Variants in PRKCB observed in about 807,000 individuals in gnomAD.
PRKCB encodes the protein protein kinase C beta.
A neutral mutation model predicts 81.5 loss-of-function variants in PRKCB; 13 were observed. That is an observed-to-expected ratio of 0.16 (90% confidence interval 0.10 to 0.25). The LOEUF (loss-of-function observed/expected upper bound fraction) is 0.25. Ranked by LOEUF, PRKCB falls within the 10% of genes least tolerant of loss-of-function variation. The probability of loss-of-function intolerance (pLI) is 1.00; values close to 1 mark genes in which losing one functional copy is unlikely to be tolerated. For missense variants in PRKCB, 509 were observed against 875.7 expected, an observed-to-expected ratio of 0.58 and a Z score of 5.29; for synonymous variants, 335 against 321.4, an observed-to-expected ratio of 1.04 and a Z score of -0.45.
At chr16:24,205,561 TTAAAC>T (rs1211857727) in intron 16 of PRKCB, among the ~76,000 whole-genome samples, 1 of 152,328 alleles carries the variant, frequency 6.6e-6, no homozygotes, top group Non-Finnish European at 1.5e-5. Context: ...GGTCAGATAC[TTAAAC>T]TAAACCCATT....
rs2141943196 is a variant in PRKCB, at chr16:24,140,690, CA to C, written c.1066-13990del. 1.3e-5 allele frequency among the ~76,000 whole-genome samples: 2 copies of C among 152,280 alleles called. 1 individual carries two copies. Among genetic ancestry groups the C allele is most frequent in the South Asian group, 4.2e-4 (2 of 4,816 alleles). ...AAAGGGAAAAGACTGAAAGACATCT[CA>C]AAAGGCCAATCTGCAGTTCTACAAC... On this transcript the variant is annotated intron_variant, in intron 9 of 16. Transcript: ENST00000643927.
intron 2 of PRKCB, among the ~76,000 whole-genome samples, chr16:23,976,148 GA>G (rs967364652): frequency 5.3e-5 from 8 of 151,380 alleles, no homozygotes; most frequent in Non-Finnish European, 8.9e-5. Context: ...CTCTACAAAA[GA>G]AAAAAAAATT....
At chr16:24,093,951 C>G (rs1430419446) in intron 6 of PRKCB, among the ~76,000 whole-genome samples, 1 of 152,208 alleles carries the variant, frequency 6.6e-6, no homozygotes, top group East Asian at 1.9e-4. Flanking sequence ...CATAGCCAGT[C>G]TAAGACCTCT....
chr16:24,111,410 T>C (rs1320336790), intron 7 of PRKCB: 3 of 152,200 alleles, frequency 2.0e-5, no homozygotes, highest in African/African-American at 7.2e-5. Context: ...GTCCCTTTTC[T>C]TTCCTCACAC....
In PRKCB at chr16:24,172,259, T is replaced by G; in HGVS notation, c.1240-11T>G. 1 of 1,610,998 alleles carries G rather than the reference T, an allele frequency of 6.2e-7. No individual in the cohort carries two copies. Among genetic ancestry groups the G allele is most frequent in the Non-Finnish European group, 8.5e-7 (1 of 1,177,456 alleles). Reference sequence around the variant, plus strand: ...GGGATGCTAATGTTGCTGTTTGCTGTCCTCTTCCAGGACCGCCTGTACTTT... The same window carrying G: ...GGGATGCTAATGTTGCTGTTTGCTGGCCTCTTCCAGGACCGCCTGTACTTT... On this transcript the variant is annotated splice_polypyrimidine_tract_variant and intron_variant, in intron 10 of 16. Coordinates refer to ENST00000643927, the MANE Select transcript of PRKCB (RefSeq NM_002738.7).
At chr16:23,987,635 A>G (rs896268986) in intron 2 of PRKCB, among the ~76,000 whole-genome samples, 1 of 152,160 alleles carries the variant, frequency 6.6e-6, no homozygotes, top group Non-Finnish European at 1.5e-5. Flanking sequence ...TTGTGTCACT[A>G]GGGATGGCCT....
chr16:23,889,584 C>T (rs1346426865), intron 2 of PRKCB, among the ~76,000 whole-genome samples: 2 of 152,202 alleles, frequency 1.3e-5, no homozygotes, highest in African/African-American at 4.8e-5. Context: ...GTAGGTGGGG[C>T]CGTATGAGTA....
intron 2 of PRKCB, among the ~76,000 whole-genome samples, chr16:23,854,211 A>T (rs2106375): frequency 6.6e-6 from 1 of 151,722 alleles, no homozygotes. Flanking sequence ...CATCCCAAGC[A>T]GATCTCTTTG....
chr16:24,173,109 A>T (rs948320544), intron 11 of PRKCB, among the ~76,000 whole-genome samples: 1 of 151,862 alleles, frequency 6.6e-6, no homozygotes, highest in Non-Finnish European at 1.5e-5. Flanking sequence ...TCCGTCTTAG[A>T]TGCCTTCACT....
chr16:24,127,483 T>G (rs1403598317), intron 9 of PRKCB, among the ~76,000 whole-genome samples: 1 of 146,922 alleles, frequency 6.8e-6, no homozygotes, highest in Non-Finnish European at 1.5e-5. Flanking sequence ...CCAGTCCCCC[T>G]GAGCTAATTT....
chr16:24,191,679 AC>A (rs1297191805), intron 16 of PRKCB: 1 of 153,930 alleles, frequency 6.5e-6, no homozygotes, highest in Non-Finnish European at 1.4e-5. Flanking sequence ...TGAAACATAC[AC>A]TATGTCTGAG....
intron 2 of PRKCB, among the ~76,000 whole-genome samples, chr16:23,917,430 G>A (rs1014204398): frequency 6.6e-6 from 1 of 152,194 alleles, no homozygotes; most frequent in African/African-American, 2.4e-5. Flanking sequence ...CATCCCTGGG[G>A]TGTTTCCAAA....
At chr16:24,207,822 A>C (rs1216590066) in intron 16 of PRKCB, among the ~76,000 whole-genome samples, 1 of 152,194 alleles carries the variant, frequency 6.6e-6, no homozygotes, top group African/African-American at 2.4e-5. Context: ...TAGCTGGATG[A>C]GTGGAGAAGG....
chr16:24,177,358 A>G (rs991742074), intron 12 of PRKCB, among the ~76,000 whole-genome samples: 1 of 151,010 alleles, frequency 6.6e-6, no homozygotes, highest in East Asian at 1.9e-4. Flanking sequence ...CTAACTACAC[A>G]CTCTCCCTTT....
chr16:23,858,359 A>G (rs1290544261), intron 2 of PRKCB, among the ~76,000 whole-genome samples: 1 of 152,216 alleles, frequency 6.6e-6, no homozygotes, highest in Non-Finnish European at 1.5e-5. Flanking sequence ...GAGGAGCACC[A>G]TGGTGAGGAA....
At chr16:23,954,992 A>G (rs936601125) in intron 2 of PRKCB, among the ~76,000 whole-genome samples, 2 of 152,208 alleles carry the variant, frequency 1.3e-5, no homozygotes, top group African/African-American at 2.4e-5. Flanking sequence ...GGCATAAGAG[A>G]CAACAGTCCT....
In PRKCB at chr16:23,899,702, C is replaced by T. The variant is rs1339302430; in HGVS notation, c.205+62296C>T. On this transcript the variant is annotated intron_variant, in intron 2 of 16. Coordinates refer to ENST00000643927, the MANE Select transcript of PRKCB (RefSeq NM_002738.7). ...TCACCTGGGCTGGAGTGCAGTGATG[C>T]GACCATGGCTCACTATATTCAAAAT... Among the ~76,000 whole-genome samples the T allele has an allele frequency of 3.9e-5, 3 of 77,172 alleles. 1 individual carries two copies. Among genetic ancestry groups the T allele is most frequent in the African/African-American group, 1.1e-4 (3 of 26,300 alleles). 50.6% of individuals were successfully genotyped at this position (77,172 alleles called of 152,430 possible).
chr16:23,892,287 T>C (rs908108129), intron 2 of PRKCB, among the ~76,000 whole-genome samples: 3 of 152,226 alleles, frequency 2.0e-5, no homozygotes, highest in Admixed American at 6.5e-5. Context: ...CCCCCTTTGC[T>C]CTTCGTGCTT....
At chr16:24,167,948 C>A (rs900876024) in intron 10 of PRKCB, among the ~76,000 whole-genome samples, 50 of 152,296 alleles carry the variant, frequency 3.3e-4, no homozygotes, top group African/African-American at 1.2e-3. Flanking sequence ...ACAAGTGAGA[C>A]AAAATATGTA....
Sources: allele counts gnomAD v4.1 joint callset (sites outside exome capture counted in the v4.1 genomes callset), GRCh38; gene constraint gnomAD v4.1.1; transcripts MANE v1.5; gene names NCBI Gene and HGNC (gene_info 2026-07-23, HGNC 2026-07-21).